CLEC7A: variants seen among roughly 807,000 people sequenced by gnomAD.
CLEC7A encodes C-type lectin domain family 7 member A.
A neutral mutation model predicts 26.9 loss-of-function variants in CLEC7A; 25 were observed. The observed-to-expected ratio is 0.93, with a 90% CI of 0.68 to 1.30. The LOEUF is 1.30. Among genes scored for constraint, CLEC7A ranks in the 50% most tolerant of loss-of-function variants. The pLI is 0.00. For missense variants in CLEC7A, 275 were observed against 286.7 expected (o/e 0.96, Z 0.29); for synonymous variants, 100 against 99.5 (o/e 1.01, Z -0.03).
chr12:10,124,400 C>G (rs1005947988), intron 4 of CLEC7A, among the ~76,000 whole-genome samples: 1 of 152,208 alleles, frequency 6.6e-6, no homozygotes, highest in Non-Finnish European at 1.5e-5. Flanking sequence ...CATTGAAGCT[C>G]TACCCTTCAT....
At chr12:10,126,303 A>G in intron 3 of CLEC7A, 1 of 983,404 alleles carries the variant, frequency 1.0e-6, no homozygotes, top group Non-Finnish European at 1.2e-6. Flanking sequence ...AGATCTAAGC[A>G]CATAGCCAGT....
chr12:10,123,364 C>G lies in CLEC7A; in HGVS notation c.493-1G>C. The G allele has an allele frequency of 1.4e-5, 21 of 1,488,616 alleles. No homozygotes were observed. The highest frequency in any genetic ancestry group is 2.0e-5 in the Non-Finnish European group (21 of 1,065,586). The allele number at this position is 1,488,616 out of a possible 1,614,324, so 92.2% of individuals were successfully genotyped here. ...AAGACACTTGTTTTACTATAAATCCCTGTAATGAAACATATACAAATATAT... is the reference window on the plus strand; with the variant it reads ...AAGACACTTGTTTTACTATAAATCCGTGTAATGAAACATATACAAATATAT... On this transcript the variant is annotated splice_acceptor_variant, in intron 4 of 5. Transcript: ENST00000304084. LOFTEE classifies it high-confidence loss of function.
chr12:10,120,887 G>A (rs1225064649), intron 5 of CLEC7A, among the ~76,000 whole-genome samples: 3 of 150,760 alleles, frequency 2.0e-5, no homozygotes, highest in Non-Finnish European at 4.4e-5. Flanking sequence ...CTGAGTAGCT[G>A]GGATTACAGG....
rs11053623 is a variant in CLEC7A, at chr12:10,130,137, T to C, written c.-55A>G. 39,172 of 821,866 alleles carry C rather than the reference T, an allele frequency of 0.048. 3,612 individuals are homozygous for C. Among genetic ancestry groups the C allele is most frequent in the East Asian group, 0.35 (13,652 of 38,990 alleles). 50.9% of individuals were successfully genotyped at this position (821,866 alleles called of 1,614,324 possible). A position where few individuals can be genotyped will look rare whatever the true frequency, so the allele number is the denominator to read the frequency against. On this transcript the variant is annotated 5_prime_UTR_variant, in exon 1 of 6. Transcript: ENST00000304084. ...CATTTGGGAGCTCTTTTCTTTCTGC[T>C]CCTGAGATGACTGTCTGTGGACAAA... is the stretch of plus-strand genomic sequence containing the variant.
intron 5 of CLEC7A, among the ~76,000 whole-genome samples, chr12:10,121,982 G>A (rs1310618046): frequency 2.0e-5 from 3 of 151,922 alleles, no homozygotes; most frequent in East Asian, 3.9e-4. Context: ...CTCCAGCCTG[G>A]GTGACAGAGT....
chr12:10,128,002 G>A (rs181468121), intron 1 of CLEC7A, among the ~76,000 whole-genome samples, 157 bp from the exon 2 acceptor site: 185 of 148,458 alleles, frequency 1.2e-3, no homozygotes, highest in African/African-American at 4.3e-3. Context: ...CTTGAGGCCA[G>A]AAGCTCAAGA....
chr12:10,127,689 G>T, intron 2 of CLEC7A, 58 bp downstream of exon 2: 3 of 1,187,292 alleles, frequency 2.5e-6, no homozygotes, highest in Non-Finnish European at 3.7e-6. Context: ...AGAGTGCCTG[G>T]CACATAATAA....
intron 5 of CLEC7A, 46 bp downstream of exon 5, chr12:10,123,199 A>G: frequency 1.6e-6 from 2 of 1,258,076 alleles, no homozygotes; most frequent in Non-Finnish European, 1.2e-6. Flanking sequence ...TGAGATGGAA[A>G]CCTCTCTGAG....
At chr12:10,126,737 C>G in intron 2 of CLEC7A, 29 bp from the exon 3 acceptor site, 1 of 1,556,564 alleles carries the variant, frequency 6.4e-7, no homozygotes, top group Middle Eastern at 1.7e-4. Flanking sequence ...ATAATAGTGA[C>G]AGAAAAAATG....
intron 4 of CLEC7A, chr12:10,124,636 C>T (rs989531284): frequency 1.3e-5 from 2 of 151,490 alleles, no homozygotes; most frequent in African/African-American, 4.9e-5. Context: ...AATTTCTAAA[C>T]ATATATTATC....
chr12:10,125,180 CAAAAAAAAAA>C (rs10717980), intron 4 of CLEC7A, 107 bp downstream of exon 4: 16 of 598,988 alleles, frequency 2.7e-5, no homozygotes, highest in Non-Finnish European at 4.2e-5. Flanking sequence ...GACTCTGCCT[CAAAAAAAAAA>C]AAAAAAAAAG....
intron 5 of CLEC7A, among the ~76,000 whole-genome samples, chr12:10,122,047 G>A (rs1948103379): frequency 6.6e-6 from 1 of 151,906 alleles, no homozygotes; most frequent in Non-Finnish European, 1.5e-5. Context: ...TTAGATGGAA[G>A]GAAGTAATAC....
chr12:10,127,267 G>GT, intron 2 of CLEC7A: 1 of 1,436,354 alleles, frequency 7.0e-7, no homozygotes, highest in Admixed American at 2.1e-5. Flanking sequence ...ATTCAAAGGT[G>GT]TTTATATTAA....
intron 1 of CLEC7A, among the ~76,000 whole-genome samples, chr12:10,128,454 A>C (rs1948381067): frequency 6.6e-6 from 1 of 152,150 alleles, no homozygotes; most frequent in Non-Finnish European, 1.5e-5. Flanking sequence ...ACAGGTCTTG[A>C]CATTAGTAGG....
intron 4 of CLEC7A, 150 bp downstream of exon 4, chr12:10,125,147 C>T (rs903703328): frequency 1.0e-5 from 8 of 791,316 alleles, no homozygotes; most frequent in Middle Eastern, 2.5e-4. Context: ...CTTCACTGCA[C>T]TCTAGCTTGG....
At position 10,116,791 on chromosome 12, in the gene CLEC7A, T is replaced by G. The variant is rs997508948; in HGVS notation, c.*1667A>C. 1.3e-5 allele frequency: 2 copies of G among 150,838 alleles called. No homozygotes were observed. Among genetic ancestry groups the G allele is most frequent in the African/African-American group, 2.4e-5 (1 of 40,950 alleles). 9.3% of individuals were successfully genotyped at this position (150,838 alleles called of 1,614,324 possible). On this transcript the variant is annotated 3_prime_UTR_variant, in exon 6 of 6. Coordinates refer to ENST00000304084, the MANE Select transcript of CLEC7A (RefSeq NM_197947.3). ...GAGGCCATGGGTTTTTTGATAAGAG[T>G]TTTTTTTTATTGAAATGAAATCCAC...
intron 1 of CLEC7A, among the ~76,000 whole-genome samples, chr12:10,129,081 C>T (rs147176820): frequency 2.0e-4 from 30 of 152,280 alleles, no homozygotes; most frequent in African/African-American, 6.7e-4. Flanking sequence ...ATACAGAGAT[C>T]CTCCAATGCC....
intron 5 of CLEC7A, among the ~76,000 whole-genome samples, chr12:10,119,225 CT>C (rs1446479470): frequency 6.6e-6 from 1 of 152,216 alleles, no homozygotes; most frequent in East Asian, 1.9e-4. Flanking sequence ...AAGAGCATCA[CT>C]GACCGTCAGT....
chr12:10,118,788 C>T (rs982843210), intron 5 of CLEC7A, among the ~76,000 whole-genome samples, 198 bp from the exon 6 acceptor site: 5 of 151,446 alleles, frequency 3.3e-5, no homozygotes, highest in African/African-American at 9.7e-5. Context: ...GGCAGAAAAA[C>T]GACTTAATTT....
Sources: gnomAD v4.1 joint callset for allele counts (sites outside exome capture counted in the v4.1 genomes callset) on GRCh38, gnomAD v4.1.1 for gene constraint, MANE v1.5 for transcripts, NCBI Gene and HGNC (gene_info 2026-07-23, HGNC 2026-07-21) for gene names.